The following WDR19 variants were observed in gnomAD, a reference collection of about 807,000 sequenced individuals.
WDR19 encodes the protein WD repeat-containing protein 19.
Under a neutral mutation model 180.0 loss-of-function variants are expected in WDR19, and 121 were observed. The observed-to-expected ratio is 0.67, with a 90% confidence interval of 0.58 to 0.78. The LOEUF (loss-of-function observed/expected upper bound fraction) is 0.78, where lower values mean the gene tolerates loss of function less well. Among genes scored for constraint, WDR19 ranks in the 30% least tolerant of loss-of-function variants. The pLI is 0.00. For missense variants in WDR19, 1,450 were observed against 1,640.7 expected, an observed-to-expected ratio of 0.88 and a Z score of 2.01; for synonymous variants, 497 against 540.7, an observed-to-expected ratio of 0.92 and a Z score of 1.12.
At chr4:39,248,065 TTGAAA>T (rs1302461958) in intron 24 of WDR19, among the ~76,000 whole-genome samples, 1 of 151,804 alleles carries the variant, frequency 6.6e-6, no homozygotes, top group African/African-American at 2.4e-5. Context: ...GATTCACCAG[TTGAAA>T]TGAAGGAAAA....
Position 39,182,576 on chromosome 4 carries a change from C to A in WDR19, c.6+13C>A, listed in dbSNP as rs1456774460. ...CGTGGAGATGAAGGTAAATAACTTA[C>A]AAATTCCCGGGGTGGGGCGGGAAAA... On this transcript the variant is annotated intron_variant, in intron 1 of 36. Transcript: ENST00000399820. 4.3e-6 allele frequency: 7 copies of A among 1,613,758 alleles called. No homozygotes were observed. The highest frequency in any genetic ancestry group is 2.2e-5 in the East Asian group (1 of 44,864).
chr4:39,264,682 G>A (rs1195630256), intron 28 of WDR19, among the ~76,000 whole-genome samples: 1 of 152,122 alleles, frequency 6.6e-6, no homozygotes, highest in Non-Finnish European at 1.5e-5. Flanking sequence ...ACTGTTCAGT[G>A]TTCCTTCCCC....
intron 26 of WDR19, among the ~76,000 whole-genome samples, chr4:39,254,243 T>G (rs1201327377): frequency 6.6e-6 from 1 of 152,152 alleles, no homozygotes; most frequent in South Asian, 2.1e-4. Flanking sequence ...AAAAGGACTA[T>G]TTTCAAAAAT....
In WDR19 at chr4:39,274,915, A is replaced by C; in HGVS notation, c.3673A>C (p.Lys1225Gln). The C allele has an allele frequency of 6.2e-7, 1 of 1,614,084 alleles. No individual in the cohort carries two copies. Among genetic ancestry groups the C allele is most frequent in the Non-Finnish European group, 8.5e-7 (1 of 1,179,894 alleles). Residue 1225 changes from lysine (K) to glutamine (Q), a missense_variant, in exon 33 of 37, where the codon AAA (lysine) becomes CAA (glutamine). Physicochemically the swap from Lys to Gln is moderately conservative, Grantham distance 53. Transcript: ENST00000399820. ...GTTGATGAGGCCTGAATACCGCAGCAAAATAGATGCCAAATACAAAAAGAA... is the reference window on the plus strand; with the variant it reads ...GTTGATGAGGCCTGAATACCGCAGCCAAATAGATGCCAAATACAAAAAGAA... ...AMLMRPEYRSKIDAKYKKKIE... is the reference protein window; with the variant it reads ...AMLMRPEYRSQIDAKYKKKIE...
chr4:39,265,023 A>T (rs2109479398), intron 28 of WDR19, among the ~76,000 whole-genome samples: 1 of 151,174 alleles, frequency 6.6e-6, no homozygotes, highest in Middle Eastern at 3.4e-3. Flanking sequence ...GTTCAAGCCG[A>T]TTCTCATGCC....
chr4:39,211,967 GAGAGAGAGAGAGAGAGAGAT>G (rs1560497374), intron 9 of WDR19, among the ~76,000 whole-genome samples: 3 of 94,270 alleles, frequency 3.2e-5, no homozygotes, highest in East Asian at 4.2e-4. Flanking sequence ...GAGAGAGAGA[GAGAGAGAGAGAGAGAGAGAT>G]AGATAGATGT....
intron 19 of WDR19, 53 bp downstream of exon 19, chr4:39,232,325 TG>T (rs1266142209): frequency 5.5e-6 from 8 of 1,451,624 alleles, no homozygotes; most frequent in African/African-American, 2.9e-5. Context: ...AGTGGGGAAA[TG>T]GGGGAAAAAA....
At chr4:39,223,984 C>G (rs1478260776) in intron 14 of WDR19, among the ~76,000 whole-genome samples, 1 of 151,990 alleles carries the variant, frequency 6.6e-6, no homozygotes, top group East Asian at 1.9e-4. Context: ...CACAGTATAC[C>G]TCTCCATTTA....
intron 9 of WDR19, among the ~76,000 whole-genome samples, chr4:39,209,263 C>T (rs1206191469): frequency 1.3e-5 from 2 of 151,690 alleles, no homozygotes; most frequent in Non-Finnish European, 1.5e-5. Context: ...GTCCTAGAGC[C>T]CCAAAGCAAT....
intron 19 of WDR19, among the ~76,000 whole-genome samples, chr4:39,234,039 G>A (rs528104798): frequency 6.6e-6 from 1 of 152,304 alleles, no homozygotes; most frequent in South Asian, 2.1e-4. Context: ...AGGAGCCTCT[G>A]TTTGCCTCAG....
Position 39,205,611 on chromosome 4 carries a change from G to A in WDR19, c.765G>A (p.Val255=), listed in dbSNP as rs750446561. 6.2e-7 allele frequency: 1 copy of A among 1,613,254 alleles called. No individual in the cohort carries two copies. ...TTGGTTTTTCATGTGGACATTTTGT[G>A]GTCATTTCTACTCATACTGGAGAGC... is the stretch of plus-strand genomic sequence containing the variant. ...IMIGFSCGHF[V]VISTHTGELG... The change falls in exon 9 of 37, where the codon GTG becomes GTA. Residue 255 remains valine (V), a synonymous_variant. Transcript: ENST00000399820.
intron 10 of WDR19, 58 bp downstream of exon 10, chr4:39,214,729 TTGTGTTTGTTATCG>T (rs1728883955): frequency 1.8e-6 from 2 of 1,123,986 alleles, no homozygotes; most frequent in African/African-American, 3.1e-5. Context: ...GAGAGTAAGG[TTGTGTTTGTTATCG>T]TGTGATTTGC....
chr4:39,244,592 A>G, intron 23 of WDR19, 40 bp downstream of exon 23: 2 of 1,611,762 alleles, frequency 1.2e-6, no homozygotes, highest in Non-Finnish European at 1.7e-6. Context: ...CAGGATTGGA[A>G]ATGAATGTGC....
intron 4 of WDR19, among the ~76,000 whole-genome samples, chr4:39,190,817 T>G (rs1386479837): frequency 6.6e-6 from 1 of 152,200 alleles, no homozygotes. Flanking sequence ...CTCTTACACT[T>G]TGGGTTTACA....
chr4:39,245,370 G>A lies in WDR19; in HGVS notation c.2647G>A (p.Ala883Thr). The change falls in exon 24 of 37, where the codon GCA becomes ACA. Residue 883 changes from alanine (A) to threonine (T), a missense_variant and splice_region_variant. Ala to Thr is a moderately conservative substitution (Grantham distance 58, BLOSUM62 0). Transcript: ENST00000399820. The part of the protein sequence containing the change: ...ASVYIRSKNW[A>T]KVGDLLPHVS... ...GTTCTCCTGGACCTACCTTTCCAGG[G>A]CAAAAGTTGGTGATCTTCTGCCCCA... 6.2e-7 allele frequency: 1 copy of A among 1,612,670 alleles called. No homozygotes were observed. Among genetic ancestry groups the A allele is most frequent in the South Asian group, 1.1e-5 (1 of 90,618 alleles).
chr4:39,270,218 G>T, intron 31 of WDR19, 118 bp downstream of exon 31: 6 of 1,346,228 alleles, frequency 4.5e-6, no homozygotes, highest in Non-Finnish European at 6.1e-6. Context: ...GTATTGTTAA[G>T]TAACAAAACA....
intron 36 of WDR19, among the ~76,000 whole-genome samples, chr4:39,280,116 CTTG>C (rs1430103071): frequency 1.3e-4 from 7 of 52,474 alleles, no homozygotes; most frequent in Non-Finnish European, 1.3e-4. Flanking sequence ...TTTCCCTTTT[CTTG>C]TTTTTTTTTT....
intron 5 of WDR19, among the ~76,000 whole-genome samples, chr4:39,196,962 G>T (rs953175318): frequency 2.6e-5 from 4 of 152,168 alleles, no homozygotes; most frequent in African/African-American, 9.7e-5. Context: ...TTCTTTGAGG[G>T]TACGAAGAAT....
chr4:39,280,119 G>GTTT (rs551041321), intron 36 of WDR19, among the ~76,000 whole-genome samples: 7 of 53,948 alleles, frequency 1.3e-4, no homozygotes, highest in Admixed American at 3.0e-4. Context: ...CCCTTTTCTT[G>GTTT]TTTTTTTTTT....
Sources: gnomAD v4.1 joint callset for allele counts (sites outside exome capture counted in the v4.1 genomes callset) on GRCh38, gnomAD v4.1.1 for gene constraint, MANE v1.5 for transcripts, NCBI Gene and HGNC (gene_info 2026-07-23, HGNC 2026-07-21) for gene names.